The following CDH26 variants were observed in gnomAD, a reference collection of about 807,000 sequenced individuals.
The protein encoded by CDH26 is cadherin 26.
In CDH26, 83 loss-of-function variants were observed where a neutral mutation model predicts 90.3. That is an observed-to-expected ratio of 0.92 (90% confidence interval 0.77 to 1.10). The LOEUF (loss-of-function observed/expected upper bound fraction) is 1.10. CDH26 is among the 50% of genes least tolerant of loss of function. CDH26 has a pLI of 0.00. For missense variants in CDH26, 1,013 were observed against 1,037.6 expected, an observed-to-expected ratio of 0.98 and a Z score of 0.33; for synonymous variants, 397 against 396.3, an observed-to-expected ratio of 1.00 and a Z score of -0.02.
At chr20:59,990,406 G>A (rs1000836513) in intron 9 of CDH26, among the ~76,000 whole-genome samples, 3 of 152,098 alleles carry the variant, frequency 2.0e-5, no homozygotes, top group Non-Finnish European at 4.4e-5. Context: ...TCTCCAGGCT[G>A]AGCTCAGCAG....
intron 1 of CDH26, among the ~76,000 whole-genome samples, chr20:59,960,501 A>G (rs2061056043): frequency 6.6e-6 from 1 of 152,180 alleles, no homozygotes; most frequent in Non-Finnish European, 1.5e-5. Flanking sequence ...AACTAAAACT[A>G]TCACAAAAGC....
At chr20:59,997,188 C>T (rs770821112) in intron 13 of CDH26, among the ~76,000 whole-genome samples, 15 of 152,226 alleles carry the variant, frequency 9.9e-5, no homozygotes, top group Admixed American at 3.3e-4. Flanking sequence ...ATTAAGTAGA[C>T]GTTCCCTAAA....
chr20:59,996,715 A>T lies in CDH26; in HGVS notation c.1973A>T (p.Gln658Leu), dbSNP rs2061602328. Residue 658 changes from glutamine to leucine, a missense_variant, in exon 13 of 18, where the codon CAA becomes CTA. Coordinates refer to ENST00000348616, the MANE Select transcript of CDH26 (RefSeq NM_177980.4). ...GCSVSNDEGH[Q>L]TLVMYNAESK... ...TCTGTATCCAATGATGAAGGCCACCAAACACTGGTCATGTATAATGCGGAG... is the reference window on the plus strand; with the variant it reads ...TCTGTATCCAATGATGAAGGCCACCTAACACTGGTCATGTATAATGCGGAG... 1 of 1,614,142 alleles carries T rather than the reference A, an allele frequency of 6.2e-7. No homozygotes were observed. Among genetic ancestry groups the T allele is most frequent in the East Asian group, 2.2e-5 (1 of 44,898 alleles).
chr20:59,980,300 C>CAT (rs533471422), intron 4 of CDH26, among the ~76,000 whole-genome samples: 1 of 146,534 alleles, frequency 6.8e-6, no homozygotes, highest in African/African-American at 2.5e-5. Flanking sequence ...TTGTTTTTGT[C>CAT]TTTTTTTTTT....
chr20:59,992,608 C>A lies in CDH26; in HGVS notation c.1426+88C>A. 1.5e-6 allele frequency: 2 copies of A among 1,314,224 alleles called. No homozygotes were observed. Among genetic ancestry groups the A allele is most frequent in the Non-Finnish European group, 2.2e-6 (2 of 922,824 alleles). The allele number at this position is 1,314,224 out of a possible 1,614,324, so 81.4% of individuals were successfully genotyped here. On this transcript the variant is annotated intron_variant, in intron 10 of 17. Coordinates refer to ENST00000348616, the MANE Select transcript of CDH26 (RefSeq NM_177980.4). This position sits in a 1 kb window ranked among gnomAD's most constrained non-coding sequence, Gnocchi z 5.0. The stretch of plus-strand genomic sequence containing the variant: ...CCCTGGTGAGCGTCTTTCAGCACAG[C>A]AGAGAAAAGGATAAAATAAACCTTG...
chr20:60,011,497 C>A (rs1383809110), intron 17 of CDH26, among the ~76,000 whole-genome samples: 1 of 152,200 alleles, frequency 6.6e-6, no homozygotes, highest in Non-Finnish European at 1.5e-5. Context: ...CCATCGAAAT[C>A]ATCTAATGAT....
chr20:59,986,883 T>A (rs142126217), intron 7 of CDH26, among the ~76,000 whole-genome samples: 8 of 152,348 alleles, frequency 5.3e-5, no homozygotes, highest in African/African-American at 1.9e-4. Context: ...AATATTATGC[T>A]TGAACCTTGT....
At chr20:59,986,550 C>T (rs1373476850) in intron 7 of CDH26, among the ~76,000 whole-genome samples, 1 of 151,860 alleles carries the variant, frequency 6.6e-6, no homozygotes, top group African/African-American at 2.4e-5. Flanking sequence ...CACTGTAGCT[C>T]CTTTGTGCTT....
chr20:60,006,770 G>C lies in CDH26; in HGVS notation c.2278G>C (p.Ala760Pro). Residue 760 changes from alanine (A) to proline (P), a missense_variant, in exon 17 of 18, where the codon GCA (alanine) becomes CCA (proline). By Grantham distance (27) the Ala-to-Pro change is conservative. Transcript: ENST00000348616. ...CCTGGCTCCGGTGGAAGGAAGGATG[G>C]CAGAGACATTGAATCAGGTAGGGAG... The part of the protein sequence containing the change: ...QLLAPVEGRM[A>P]ETLNQKLHVA... The C allele has an allele frequency of 6.2e-7, 1 of 1,613,948 alleles. No homozygotes were observed. The highest frequency in any genetic ancestry group is 1.1e-5 in the South Asian group (1 of 91,082).
chr20:59,978,550 T>G (rs1484268257), intron 4 of CDH26, among the ~76,000 whole-genome samples: 2 of 152,004 alleles, frequency 1.3e-5, no homozygotes, highest in African/African-American at 4.8e-5. Flanking sequence ...AATTTTTGCC[T>G]TTTTGTAAAG....
intron 10 of CDH26, among the ~76,000 whole-genome samples, chr20:59,993,578 C>CA (rs2098439661): frequency 6.6e-6 from 1 of 152,142 alleles, no homozygotes; most frequent in East Asian, 1.9e-4. Context: ...CAAGTGTCTG[C>CA]AAAAAAACAT....
Position 59,996,660 on chromosome 20 carries a change from T to C in CDH26, c.1918T>C (p.Phe640Leu). 1 of 1,614,226 alleles carries C rather than the reference T, an allele frequency of 6.2e-7. No individual in the cohort carries two copies. The highest frequency in any genetic ancestry group is 8.5e-7 in the Non-Finnish European group (1 of 1,180,040). Residue 640 changes from phenylalanine to leucine, a missense_variant, in exon 13 of 18, where the codon TTT (phenylalanine) becomes CTT (leucine). Phe to Leu is a conservative substitution (Grantham distance 22). Transcript: ENST00000348616. ...VALLFLLRCY[F>L]VLEPKRHGCS... ...TCTGCTTTTTCTGTTGCGATGCTAT[T>C]TTGTGCTTGAACCTAAGAGGCATGG...
intron 4 of CDH26, 126 bp from the exon 5 acceptor site, chr20:59,982,797 T>C: frequency 2.7e-6 from 3 of 1,116,690 alleles, no homozygotes; most frequent in Non-Finnish European, 2.6e-6. Context: ...GTCTGATTCC[T>C]GCCCTCCGGA....
intron 13 of CDH26, among the ~76,000 whole-genome samples, chr20:59,997,733 C>CT (rs2061617767): frequency 6.6e-6 from 1 of 152,272 alleles, no homozygotes; most frequent in African/African-American, 2.4e-5. Flanking sequence ...CATCTTACAC[C>CT]TCCACCAATG....
At position 59,994,373 on chromosome 20, in the gene CDH26, C is replaced by G. The variant is rs146789145; in HGVS notation, c.1550C>G (p.Pro517Arg). The G allele has an allele frequency of 1.0e-4, 163 of 1,614,092 alleles. No homozygotes were observed. The African/African-American group carries it at 1.9e-3, about 19-fold the overall frequency. Residue 517 changes from proline (P) to arginine (R), a missense_variant, in exon 11 of 18, where the codon CCC becomes CGC. Physicochemically the swap from Pro to Arg is moderately radical, Grantham distance 103. Transcript: ENST00000348616. ...MEVCESAVHE[P>R]LHIEAEDPDL... ...GTCTGTGAGTCTGCTGTGCATGAGC[C>G]CCTCCACATCGAGGCAGAGGATCCG...
At position 60,006,806 on chromosome 20, in the gene CDH26, G is replaced by GT; in HGVS notation, c.2295+20dup. The GT allele has an allele frequency of 6.3e-7, 1 of 1,597,528 alleles. No individual in the cohort carries two copies. The highest frequency in any genetic ancestry group is 8.6e-7 in the Non-Finnish European group (1 of 1,165,114). ...GAATCAGGTAGGGAGAGCTCCCCTTGTGCTGTGCACTAGCTATGGGTTTTG... is the reference window on the plus strand; with the variant it reads ...GAATCAGGTAGGGAGAGCTCCCCTTGTTGCTGTGCACTAGCTATGGGTTTTG... On this transcript the variant is annotated intron_variant, in intron 17 of 17. Transcript: ENST00000348616.
At chr20:60,035,646 C>T (rs1334144380), downstream of CDH26, among the ~76,000 whole-genome samples, 3 of 151,858 alleles carry the variant, frequency 2.0e-5, no homozygotes, top group African/African-American at 7.3e-5. Context: ...TGGCTGTGTG[C>T]CCTCATTCAA....
intron 3 of CDH26, among the ~76,000 whole-genome samples, chr20:59,971,050 A>C (rs2061255248): frequency 6.6e-6 from 1 of 152,094 alleles, no homozygotes; most frequent in Non-Finnish European, 1.5e-5. Context: ...ATGGTATTGG[A>C]ATAGCAGAAT....
chr20:60,024,170 C>T (rs2061979283), intron 7 of CDH26, among the ~76,000 whole-genome samples: 1 of 152,192 alleles, frequency 6.6e-6, no homozygotes, highest in Non-Finnish European at 1.5e-5. Context: ...TGTTTAACCC[C>T]AAAGTGATTC....
Sources: gnomAD v4.1 joint callset for allele counts (sites outside exome capture counted in the v4.1 genomes callset) on GRCh38, gnomAD v4.1.1 for gene constraint, Gnocchi (gnomAD v3.1) non-coding constraint, MANE v1.5 for transcripts, NCBI Gene and HGNC (gene_info 2026-07-23, HGNC 2026-07-21) for gene names.